USP25: variants seen among roughly 807,000 people sequenced by gnomAD.
The protein encoded by USP25 is ubiquitin carboxyl-terminal hydrolase 25.
In USP25, 85 loss-of-function variants were observed where a neutral mutation model predicts 158.5. That is an observed-to-expected ratio of 0.54 (90% CI 0.45 to 0.64). The LOEUF (loss-of-function observed/expected upper bound fraction) is 0.64, where lower values mean the gene tolerates loss of function less well. USP25 is among the 30% of genes least tolerant of loss of function. The pLI, the probability that USP25 is intolerant of heterozygous loss-of-function variation, is 0.00. For synonymous variants in USP25, 464 were observed against 460.4 expected (o/e 1.01, Z -0.10); for missense variants, 1,242 against 1,327.3 (o/e 0.94, Z 1.00).
chr21:15,855,925 T>G (rs540702278), intron 20 of USP25, among the ~76,000 whole-genome samples: 1 of 152,362 alleles, frequency 6.6e-6, no homozygotes, highest in South Asian at 2.1e-4. Context: ...CTAGGTCCTT[T>G]TTTGTCTGAC....
At chr21:15,758,857 C>G (rs900879726) in intron 1 of USP25, among the ~76,000 whole-genome samples, 1 of 152,050 alleles carries the variant, frequency 6.6e-6, no homozygotes, top group Non-Finnish European at 1.5e-5. Flanking sequence ...TGGGAAAAAC[C>G]CGCCCCCATG....
rs748732727 is a variant in USP25, at chr21:15,730,976, G to GTTTTTTTT, written c.45+556_45+563dup. 1.6e-3 allele frequency among the ~76,000 whole-genome samples: 85 copies of GTTTTTTTT among 53,646 alleles called. 16 individuals are homozygous for GTTTTTTTT. The highest frequency in any genetic ancestry group is 5.1e-3 in the African/African-American group (75 of 14,570). 35.2% of individuals were successfully genotyped at this position (53,646 alleles called of 152,430 possible). ...TTTCCCTTTCTTCTTCTTCTTTTCT[G>GTTTTTTTT]TTTTTTTTTTTTTTTTTTTTTTTTT... On this transcript the variant is annotated intron_variant, in intron 1 of 25. Transcript: ENST00000400183.
rs757562923 is a variant in USP25 at position 15,797,824 on chromosome 21, TGAGA to T, written c.556-1926_556-1923del. Among the ~76,000 whole-genome samples the T allele has an allele frequency of 6.6e-5, 10 of 151,130 alleles. No individual in the cohort carries two copies. The Admixed American group carries it at 6.6e-4, about 10-fold the overall frequency. On this transcript the variant is annotated intron_variant, in intron 5 of 25. Transcript: ENST00000400183. Reference sequence around the variant, plus strand: ...ATTGTGGCTGAAAATATTACAGTACTGAGAGAGAGAAGGAGAGGGAGAGAGGGAG... The same window carrying T: ...ATTGTGGCTGAAAATATTACAGTACTGAGAGAAGGAGAGGGAGAGAGGGAG...
At chr21:15,746,351 T>G (rs2032559959) in intron 1 of USP25, among the ~76,000 whole-genome samples, 1 of 152,204 alleles carries the variant, frequency 6.6e-6, no homozygotes, top group Admixed American at 6.5e-5. Context: ...TTAGGTTTTG[T>G]TTTTTAACGG....
In USP25 at chr21:15,847,717, G is replaced by T; in HGVS notation, c.2392G>T (p.Ala798Ser). The T allele has an allele frequency of 6.5e-7, 1 of 1,550,184 alleles. No homozygotes were observed. The highest frequency in any genetic ancestry group is 8.7e-7 in the Non-Finnish European group (1 of 1,146,698). The change falls in exon 19 of 26, where the codon GCG becomes TCG. Residue 798 changes from alanine (A) to serine (S), a missense_variant. By Grantham distance (99) the Ala-to-Ser change is moderately conservative. Transcript: ENST00000400183. ...TTCTAATCAGCGAGTTGTAGAGGTG[G>T]CGATCCCTCATGTAGGGAAATTTAT... ...PLSNQRVVEVAIPHVGKFMIE... is the reference protein window; with the variant it reads ...PLSNQRVVEVSIPHVGKFMIE...
intron 3 of USP25, among the ~76,000 whole-genome samples, chr21:15,775,739 A>AACCCCCC (rs2034605259): frequency 7.1e-5 from 1 of 14,052 alleles, no homozygotes; most frequent in African/African-American, 3.1e-4. Flanking sequence ...AATGGTTGCC[A>AACCCCCC]CCCCCCCCCC....
chr21:15,737,726 G>A (rs2031656227), intron 1 of USP25, among the ~76,000 whole-genome samples: 1 of 151,558 alleles, frequency 6.6e-6, no homozygotes, highest in African/African-American at 2.4e-5. Flanking sequence ...CTGTGCTTGA[G>A]TTTTGTATAT....
chr21:15,799,729 G>A (rs773124042), intron 5 of USP25, 28 bp from the exon 6 acceptor site: 2 of 1,476,764 alleles, frequency 1.4e-6, no homozygotes, highest in East Asian at 4.6e-5. Flanking sequence ...TTTCCCTCAG[G>A]TTATGTTAAA....
chr21:15,809,480 C>G (rs890699478), intron 8 of USP25, among the ~76,000 whole-genome samples: 2 of 152,148 alleles, frequency 1.3e-5, no homozygotes, highest in African/African-American at 4.8e-5. Flanking sequence ...CCCCCAACCC[C>G]TACTGACCCA....
At chr21:15,734,703 TTA>T (rs1455885429) in intron 1 of USP25, among the ~76,000 whole-genome samples, 3 of 152,164 alleles carry the variant, frequency 2.0e-5, no homozygotes, top group Non-Finnish European at 4.4e-5. Flanking sequence ...CTACTACAAT[TTA>T]TGTTAGTTTC....
In USP25 at chr21:15,832,834, C is replaced by T. The variant is rs550893569; in HGVS notation, c.1994-514C>T. Among the ~76,000 whole-genome samples the T allele has an allele frequency of 2.6e-3, 400 of 151,998 alleles. 2 individuals carry two copies. Among genetic ancestry groups the T allele is most frequent in the African/African-American group, 9.3e-3 (387 of 41,454 alleles). On this transcript the variant is annotated intron_variant, in intron 16 of 25. Transcript: ENST00000400183. ...GAGATCGAGACCATCCTGGCTAACACAGTGAAACCCCATTCTACTAAAAAT... is the reference window on the plus strand; with the variant it reads ...GAGATCGAGACCATCCTGGCTAACATAGTGAAACCCCATTCTACTAAAAAT...
At chr21:15,855,937 G>C (rs560490860) in intron 20 of USP25, among the ~76,000 whole-genome samples, 1 of 152,288 alleles carries the variant, frequency 6.6e-6, no homozygotes, top group African/African-American at 2.4e-5. Context: ...TTGTCTGACT[G>C]CTTTTACTCA....
At chr21:15,800,995 G>C (rs528017081) in intron 6 of USP25, among the ~76,000 whole-genome samples, 1 of 151,462 alleles carries the variant, frequency 6.6e-6, no homozygotes, top group Admixed American at 6.6e-5. Context: ...GAAAAATTAA[G>C]GAAAACCCTT....
rs1291850380 is a variant in USP25, at chr21:15,766,246, G to C, written c.268+105G>C. 2.8e-6 allele frequency: 3 copies of C among 1,059,070 alleles called. No individual in the cohort carries two copies. Among genetic ancestry groups the C allele is most frequent in the Non-Finnish European group, 3.8e-6 (3 of 787,164 alleles). 65.6% of individuals were successfully genotyped at this position (1,059,070 alleles called of 1,614,324 possible). ...TAAGGAGAGGTAAAGAACCAAAAAA[G>C]AACTCTATTAACCTTGGTTCTTTTT... On this transcript the variant is annotated intron_variant, in intron 3 of 25. Coordinates refer to ENST00000400183, the MANE Select transcript of USP25 (RefSeq NM_001283041.3). The surrounding 1 kb of genome is among the most constrained non-coding windows in gnomAD (Gnocchi z 4.0).
At position 15,766,374 on chromosome 21, in the gene USP25, G is replaced by C. The variant is rs1344256956; in HGVS notation, c.268+233G>C. On this transcript the variant is annotated intron_variant, in intron 3 of 25. Coordinates refer to ENST00000400183, the MANE Select transcript of USP25 (RefSeq NM_001283041.3). The surrounding 1 kb of genome is among the most constrained non-coding windows in gnomAD (Gnocchi z 4.0). ...TAGAGCATTTCATATAGAATTTATT[G>C]TTTTGAAATATGGAATAGCTGCAGA... Among the ~76,000 whole-genome samples the C allele has an allele frequency of 2.0e-5, 3 of 151,964 alleles. No individual in the cohort carries two copies. Among genetic ancestry groups the C allele is most frequent in the Admixed American group, 1.3e-4 (2 of 15,226 alleles).
intron 20 of USP25, among the ~76,000 whole-genome samples, chr21:15,862,017 A>G (rs1038192766): frequency 6.6e-6 from 1 of 152,162 alleles, no homozygotes; most frequent in Non-Finnish European, 1.5e-5. Context: ...GTTCTATAAT[A>G]GAAATCTGCT....
chr21:15,804,927 T>A (rs2036305370), intron 6 of USP25, among the ~76,000 whole-genome samples, 194 bp from the exon 7 acceptor site: 1 of 152,148 alleles, frequency 6.6e-6, no homozygotes, highest in South Asian at 2.1e-4. Context: ...TTCTGCCTTT[T>A]TGTGCTGGAC....
rs2037549752 is a variant in USP25 at position 15,827,139 on chromosome 21, A to G, written c.1629A>G (p.Glu543=). ...MHPAPRHITE[E]ELSVLESCLH... ...CGGCACCAAGGCACATAACGGAGGA[A>G]GAACTTTCTGTGCTGGAAAGTTGTT... The change falls in exon 14 of 26, where the codon GAA becomes GAG. Residue 543 remains glutamate (E), a synonymous_variant. Coordinates refer to ENST00000400183, the MANE Select transcript of USP25 (RefSeq NM_001283041.3). 1 of 1,614,216 alleles carries G rather than the reference A, an allele frequency of 6.2e-7. No homozygotes were observed. The highest frequency in any genetic ancestry group is 2.2e-5 in the East Asian group (1 of 44,886).
intron 8 of USP25, among the ~76,000 whole-genome samples, chr21:15,809,481 T>A (rs1031579129): frequency 2.0e-5 from 3 of 151,996 alleles, no homozygotes; most frequent in African/African-American, 7.2e-5. Context: ...CCCCAACCCC[T>A]ACTGACCCAA....
Sources: gnomAD v4.1 joint callset for allele counts (sites outside exome capture counted in the v4.1 genomes callset) on GRCh38, gnomAD v4.1.1 for gene constraint, Gnocchi (gnomAD v3.1) non-coding constraint, MANE v1.5 for transcripts, NCBI Gene and HGNC (gene_info 2026-07-23, HGNC 2026-07-21) for gene names.